The following ARHGEF37 variants were observed in gnomAD, a reference collection of about 807,000 sequenced individuals.
ARHGEF37 encodes the protein Rho guanine nucleotide exchange factor (GEF) 37.
ARHGEF37 carries 55 observed loss-of-function variants against 71.1 expected under a neutral mutation model. The ratio of observed to expected loss-of-function variants is 0.77; its 90% CI spans 0.62 to 0.97. The LOEUF is 0.97. ARHGEF37 is among the 50% of genes least tolerant of loss of function. The pLI, the probability that ARHGEF37 is intolerant of heterozygous loss-of-function variation, is 0.00. For synonymous variants in ARHGEF37, 327 were observed against 350.6 expected, an observed-to-expected ratio of 0.93 and a Z score of 0.75; for missense variants, 765 against 836.8, an observed-to-expected ratio of 0.91 and a Z score of 1.06.
intron 1 of ARHGEF37, among the ~76,000 whole-genome samples, chr5:149,556,012 C>T (rs113644804): frequency 7.5e-4 from 114 of 152,150 alleles, no homozygotes; most frequent in African/African-American, 2.5e-3. Context: ...ACAGTGTTTA[C>T]TCAAGCAACG....
chr5:149,618,895 C>A, intron 6 of ARHGEF37, 43 bp from the exon 7 acceptor site: 1 of 1,488,858 alleles, frequency 6.7e-7, no homozygotes, highest in Non-Finnish European at 9.4e-7. Context: ...GTGTACACTG[C>A]CCCCATGTGG....
At chr5:149,590,115 T>G (rs551541941) in intron 1 of ARHGEF37, among the ~76,000 whole-genome samples, 49 of 152,214 alleles carry the variant, frequency 3.2e-4, no homozygotes, top group Admixed American at 1.1e-3. Flanking sequence ...ATGCTTGGCA[T>G]GTAGTAGTTG....
chr5:149,617,086 C>A (rs1445706187), intron 5 of ARHGEF37, among the ~76,000 whole-genome samples: 2 of 152,096 alleles, frequency 1.3e-5, no homozygotes, highest in African/African-American at 4.8e-5. Flanking sequence ...CCCTTAGCCA[C>A]AAAAATTAAG....
chr5:149,562,184 C>T (rs1762841542), intron 1 of ARHGEF37, among the ~76,000 whole-genome samples: 1 of 152,152 alleles, frequency 6.6e-6, no homozygotes, highest in African/African-American at 2.4e-5. Flanking sequence ...CTGCAGTGAA[C>T]AGAGCCAGGG....
At chr5:149,570,101 G>A (rs577116750) in intron 1 of ARHGEF37, among the ~76,000 whole-genome samples, 2 of 152,138 alleles carry the variant, frequency 1.3e-5, no homozygotes, top group African/African-American at 4.8e-5. Flanking sequence ...ACAGAATGAA[G>A]TGAAATTTTC....
intron 12 of ARHGEF37, among the ~76,000 whole-genome samples, chr5:149,631,629 T>C (rs1410272819): frequency 6.6e-6 from 1 of 152,196 alleles, no homozygotes; most frequent in Non-Finnish European, 1.5e-5. Flanking sequence ...CAAAAATATC[T>C]GTTTGGAGGT....
At chr5:149,600,981 C>A in intron 2 of ARHGEF37, 127 bp from the exon 3 acceptor site, 2 of 1,151,726 alleles carry the variant, frequency 1.7e-6, no homozygotes, top group Non-Finnish European at 2.4e-6. Context: ...TGCAAAATTC[C>A]ACTGGGGCAG....
intron 12 of ARHGEF37, among the ~76,000 whole-genome samples, chr5:149,630,554 A>G (rs1194896576): frequency 6.6e-6 from 1 of 152,136 alleles, no homozygotes; most frequent in East Asian, 1.9e-4. Context: ...TCAGGCCAGC[A>G]TCCTTCAGCA....
intron 5 of ARHGEF37, among the ~76,000 whole-genome samples, chr5:149,617,546 C>T (rs1349133245): frequency 2.0e-5 from 3 of 152,220 alleles, no homozygotes; most frequent in Non-Finnish European, 2.9e-5. Flanking sequence ...CATATTTGGT[C>T]TTTGCACTAA....
At chr5:149,629,954 G>A (rs1356034631) in intron 12 of ARHGEF37, among the ~76,000 whole-genome samples, 2 of 151,962 alleles carry the variant, frequency 1.3e-5, no homozygotes, top group Non-Finnish European at 2.9e-5. Context: ...AGGCCACATA[G>A]GATTCCATTA....
At chr5:149,611,702 A>G (rs1752176737) in intron 4 of ARHGEF37, among the ~76,000 whole-genome samples, 1 of 152,218 alleles carries the variant, frequency 6.6e-6, no homozygotes, top group Non-Finnish European at 1.5e-5. Flanking sequence ...CACGAGTGAC[A>G]CTCAATGAAT....
chr5:149,617,558 C>G (rs909341591), intron 5 of ARHGEF37, among the ~76,000 whole-genome samples: 4 of 152,184 alleles, frequency 2.6e-5, no homozygotes, highest in African/African-American at 9.7e-5. Flanking sequence ...TTGCACTAAC[C>G]CTCTGAGGTT....
intron 1 of ARHGEF37, among the ~76,000 whole-genome samples, chr5:149,559,312 C>T (rs778407955): frequency 2.0e-5 from 3 of 152,198 alleles, no homozygotes; most frequent in Non-Finnish European, 4.4e-5. Flanking sequence ...CAGAACAAGA[C>T]TCCGTCTTGG....
chr5:149,631,208 G>A (rs575863881), intron 12 of ARHGEF37, among the ~76,000 whole-genome samples: 1 of 136,318 alleles, frequency 7.3e-6, no homozygotes, highest in Admixed American at 8.1e-5. Context: ...GTCTGGCTCT[G>A]TGGCCCAGGC....
chr5:149,618,137 G>C (rs764654664), intron 5 of ARHGEF37, 39 bp from the exon 6 acceptor site: 1 of 1,611,520 alleles, frequency 6.2e-7, no homozygotes, highest in African/African-American at 1.3e-5. Flanking sequence ...TCCTGAGTTG[G>C]CTTGATCACC....
chr5:149,621,735 G>A lies in ARHGEF37; in HGVS notation c.1008G>A (p.Lys336=). ...CCCACGCTCATGTCTCCCCACAGAA[G>A]CAACGGCTAGAAGGCCTGGTGTGGC... ...DLHLEAFLKF[K]QRLEGLVWQP... The change falls in exon 9 of 13, where the codon AAG becomes AAA. Residue 336 remains lysine (K), a splice_region_variant and synonymous_variant. Transcript: ENST00000333677. 6.2e-7 allele frequency: 1 copy of A among 1,609,062 alleles called. No individual in the cohort carries two copies.
At chr5:149,592,177 C>T (rs1763426081) in intron 1 of ARHGEF37, among the ~76,000 whole-genome samples, 1 of 152,194 alleles carries the variant, frequency 6.6e-6, no homozygotes, top group South Asian at 2.1e-4. Context: ...TTTGATTGTT[C>T]TATTCCATTT....
intron 1 of ARHGEF37, among the ~76,000 whole-genome samples, chr5:149,566,309 C>T (rs994123994): frequency 1.3e-5 from 2 of 151,688 alleles, no homozygotes; most frequent in African/African-American, 4.8e-5. Context: ...CCAGCCTGGC[C>T]AACATGATGA....
intron 1 of ARHGEF37, among the ~76,000 whole-genome samples, chr5:149,553,164 C>G (rs1762707928): frequency 6.6e-6 from 1 of 152,034 alleles, no homozygotes; most frequent in Non-Finnish European, 1.5e-5. Context: ...TTTGGGAGGC[C>G]GAGGCGGCTG....
Sources: allele counts gnomAD v4.1 joint callset (sites outside exome capture counted in the v4.1 genomes callset), GRCh38; gene constraint gnomAD v4.1.1; transcripts MANE v1.5; gene names NCBI Gene and HGNC (gene_info 2026-07-23, HGNC 2026-07-21).